Variants in DEPTOR observed in about 807,000 individuals in gnomAD.
DEPTOR encodes the protein DEP domain containing MTOR interacting protein, also known as DEP domain-containing mTOR-interacting protein.
DEPTOR carries 41 observed loss-of-function variants against 41.6 expected under a neutral mutation model. That is an observed-to-expected ratio of 0.98 (90% CI 0.77 to 1.28). The LOEUF (loss-of-function observed/expected upper bound fraction) is 1.28, where lower values mean the gene tolerates loss of function less well. Ranked by LOEUF, DEPTOR falls within the 50% of genes most tolerant of loss-of-function variation. The pLI is 0.00. For synonymous variants in DEPTOR, 195 were observed against 192.3 expected, an observed-to-expected ratio of 1.01 and a Z score of -0.12; for missense variants, 514 against 527.9, an observed-to-expected ratio of 0.97 and a Z score of 0.26.
chr8:120,002,843 A>C, intron 5 of DEPTOR, 134 bp from the exon 6 acceptor site: 1 of 715,960 alleles, frequency 1.4e-6, no homozygotes, highest in Non-Finnish European at 2.0e-6. Context: ...CTGCAACTCA[A>C]GTTCTTGTTT....
At chr8:119,950,462 C>T (rs7814610) in intron 3 of DEPTOR, among the ~76,000 whole-genome samples, 177 of 152,270 alleles carry the variant, frequency 1.2e-3, no homozygotes, top group African/African-American at 4.0e-3. Context: ...GTTGCCCAGG[C>T]TGGACTGCAG....
intron 3 of DEPTOR, among the ~76,000 whole-genome samples, chr8:119,930,245 T>G (rs1333484186): frequency 6.6e-6 from 1 of 152,212 alleles, no homozygotes; most frequent in Non-Finnish European, 1.5e-5. Context: ...TTATTTTTAT[T>G]TTTTATTTTT....
At chr8:119,914,363 A>G (rs892827461) in intron 1 of DEPTOR, among the ~76,000 whole-genome samples, 3 of 151,678 alleles carry the variant, frequency 2.0e-5, no homozygotes, top group East Asian at 2.0e-4. Context: ...TCATAATGCA[A>G]TGTTGGCTCT....
chr8:119,961,036 A>C (rs1319916770), intron 3 of DEPTOR, among the ~76,000 whole-genome samples: 1 of 152,042 alleles, frequency 6.6e-6, no homozygotes, highest in African/African-American at 2.4e-5. Context: ...AAAGTTATTA[A>C]GTGACTCACT....
At chr8:119,929,305 C>T (rs867269648) in intron 2 of DEPTOR, among the ~76,000 whole-genome samples, 2 of 152,266 alleles carry the variant, frequency 1.3e-5, no homozygotes, top group Middle Eastern at 3.4e-3. Context: ...TCTCCACTTA[C>T]ATGAAAACTC....
At chr8:120,022,767 C>T (rs1812740607) in intron 8 of DEPTOR, among the ~76,000 whole-genome samples, 1 of 151,736 alleles carries the variant, frequency 6.6e-6, no homozygotes, top group Admixed American at 6.6e-5. Flanking sequence ...AACTCCTGGG[C>T]TCTAGCAATC....
intron 4 of DEPTOR, among the ~76,000 whole-genome samples, chr8:119,996,983 T>C (rs1177558734): frequency 6.6e-6 from 1 of 152,220 alleles, no homozygotes; most frequent in Non-Finnish European, 1.5e-5. Context: ...AAAATTTGAC[T>C]ATCCACAAGA....
At chr8:119,907,383 C>T (rs1440694913) in intron 1 of DEPTOR, among the ~76,000 whole-genome samples, 2 of 151,868 alleles carry the variant, frequency 1.3e-5, no homozygotes, top group African/African-American at 2.4e-5. Flanking sequence ...ATACATATGC[C>T]TACGGATAAT....
chr8:119,910,849 C>T (rs960481777), intron 1 of DEPTOR, among the ~76,000 whole-genome samples: 10 of 152,138 alleles, frequency 6.6e-5, no homozygotes, highest in African/African-American at 2.2e-4. Context: ...CATTTGACTA[C>T]GTGAGTTAAT....
At chr8:119,883,550 T>A (rs777722103) in intron 1 of DEPTOR, among the ~76,000 whole-genome samples, 3 of 150,488 alleles carry the variant, frequency 2.0e-5, no homozygotes, top group Admixed American at 6.6e-5. Context: ...TGCTAGGGTG[T>A]AGCAAAAGGG....
At chr8:119,944,290 C>A (rs1828240933) in intron 3 of DEPTOR, among the ~76,000 whole-genome samples, 1 of 152,172 alleles carries the variant, frequency 6.6e-6, no homozygotes, top group South Asian at 2.1e-4. Flanking sequence ...AATGGAAAAG[C>A]CACTTGCTCT....
At chr8:119,883,462 G>C (rs1827324782) in intron 1 of DEPTOR, among the ~76,000 whole-genome samples, 1 of 124,412 alleles carries the variant, frequency 8.0e-6, no homozygotes, top group African/African-American at 3.2e-5. Context: ...GCGACAGAGC[G>C]AGACTCGTCT....
intron 4 of DEPTOR, among the ~76,000 whole-genome samples, chr8:119,993,667 A>G (rs1468367568): frequency 6.6e-6 from 1 of 152,150 alleles, no homozygotes; most frequent in Non-Finnish European, 1.5e-5. Flanking sequence ...TATCACTGGG[A>G]TCTGAGAAAT....
chr8:119,878,621 C>T (rs1219856771), intron 1 of DEPTOR, among the ~76,000 whole-genome samples: 1 of 151,980 alleles, frequency 6.6e-6, no homozygotes, highest in Non-Finnish European at 1.5e-5. Context: ...GCCACCATGC[C>T]CGGCCAATCC....
intron 1 of DEPTOR, among the ~76,000 whole-genome samples, chr8:119,914,386 C>A (rs1490967034): frequency 3.3e-5 from 5 of 151,948 alleles, no homozygotes; most frequent in African/African-American, 1.2e-4. Flanking sequence ...TTCATTCCAA[C>A]CCCCTGCGTT....
At chr8:119,876,512 C>G (rs7003126) in intron 1 of DEPTOR, among the ~76,000 whole-genome samples, 73,258 of 151,738 alleles carry the variant, frequency 0.48, 19,358 homozygotes, top group East Asian at 0.92. Context: ...GTGGTGCATG[C>G]TTGTAATCCT....
intron 1 of DEPTOR, among the ~76,000 whole-genome samples, chr8:119,887,609 C>T (rs1827389871): frequency 6.7e-6 from 1 of 149,492 alleles, no homozygotes; most frequent in African/African-American, 2.5e-5. Flanking sequence ...AAGTGATTCT[C>T]CTGCTTCAGC....
chr8:120,037,569 A>C (rs1563599641), intron 8 of DEPTOR, among the ~76,000 whole-genome samples: 1 of 152,104 alleles, frequency 6.6e-6, no homozygotes, highest in African/African-American at 2.4e-5. Flanking sequence ...CTTAATATTC[A>C]TGTGTTATCG....
At chr8:119,902,646 G>T (rs1013701394) in intron 1 of DEPTOR, among the ~76,000 whole-genome samples, 3 of 152,048 alleles carry the variant, frequency 2.0e-5, no homozygotes, top group Admixed American at 6.6e-5. Context: ...GCAGATTTAG[G>T]ATTTTTTGAC....
Sources: allele counts gnomAD v4.1 joint callset (sites outside exome capture counted in the v4.1 genomes callset), GRCh38; gene constraint gnomAD v4.1.1; transcripts MANE v1.5; gene names NCBI Gene and HGNC (gene_info 2026-07-23, HGNC 2026-07-21).